Variants in GRID1 observed in about 807,000 individuals in gnomAD.
GRID1 encodes the protein glutamate ionotropic receptor delta type subunit 1.
Under a neutral mutation model 98.0 loss-of-function variants are expected in GRID1, and 28 were observed. That is an observed-to-expected ratio of 0.29 (90% CI 0.21 to 0.39). The LOEUF (loss-of-function observed/expected upper bound fraction) is 0.39, where lower values mean the gene tolerates loss of function less well. Among genes scored for constraint, GRID1 ranks in the 10% least tolerant of loss-of-function variants. The probability of loss-of-function intolerance (pLI) is 1.00; values close to 1 mark genes in which losing one functional copy is unlikely to be tolerated. For synonymous variants in GRID1, 553 were observed against 538.5 expected (o/e 1.03, Z -0.37); for missense variants, 1,111 against 1,340.5 (o/e 0.83, Z 2.67).
intron 3 of GRID1, among the ~76,000 whole-genome samples, chr10:86,162,782 T>C (rs1456678604): frequency 6.6e-6 from 1 of 152,142 alleles, no homozygotes; most frequent in Non-Finnish European, 1.5e-5. Flanking sequence ...GAAGTGGCCT[T>C]TGGGCATCTG....
intron 2 of GRID1, among the ~76,000 whole-genome samples, chr10:86,349,630 G>A (rs754619432): frequency 1.2e-4 from 19 of 152,248 alleles, no homozygotes; most frequent in Non-Finnish European, 2.6e-4. Context: ...TGACCAGGAG[G>A]GAAGGGCTAG....
intron 2 of GRID1, among the ~76,000 whole-genome samples, chr10:86,332,851 C>T (rs1045787031): frequency 2.6e-5 from 4 of 152,148 alleles, no homozygotes; most frequent in African/African-American, 9.7e-5. Flanking sequence ...TCTTCCCCTT[C>T]CCTCACTCCA....
At chr10:85,988,072 T>A (rs1842634698) in intron 4 of GRID1, among the ~76,000 whole-genome samples, 1 of 152,114 alleles carries the variant, frequency 6.6e-6, no homozygotes, top group African/African-American at 2.4e-5. Flanking sequence ...GCATGCCCCC[T>A]CCATCTCCAA....
intron 4 of GRID1, among the ~76,000 whole-genome samples, chr10:86,025,400 T>G (rs537157565): frequency 8.5e-4 from 129 of 152,298 alleles, no homozygotes; most frequent in African/African-American, 3.0e-3. Context: ...AAGAGTAACT[T>G]GACTCACTTG....
chr10:85,908,223 G>T (rs1015402690), intron 5 of GRID1, among the ~76,000 whole-genome samples: 25 of 152,146 alleles, frequency 1.6e-4, no homozygotes, highest in Admixed American at 3.3e-4. Flanking sequence ...CAGATGGAAA[G>T]GAAGAGGTAA....
At chr10:85,768,445 C>A (rs1842218964) in intron 8 of GRID1, among the ~76,000 whole-genome samples, 1 of 151,690 alleles carries the variant, frequency 6.6e-6, no homozygotes, top group Non-Finnish European at 1.5e-5. Context: ...AAAAGAAAAT[C>A]CAAAAGACAA....
At chr10:85,772,929 T>C (rs1361134661) in intron 8 of GRID1, among the ~76,000 whole-genome samples, 1 of 152,168 alleles carries the variant, frequency 6.6e-6, no homozygotes, top group Non-Finnish European at 1.5e-5. Flanking sequence ...TCTGAAACTA[T>C]TCCAATCAAT....
intron 4 of GRID1, among the ~76,000 whole-genome samples, chr10:85,956,815 T>G (rs1217422832): frequency 6.6e-6 from 1 of 152,158 alleles, no homozygotes; most frequent in Non-Finnish European, 1.5e-5. Context: ...AGAAATTGAT[T>G]CTAATTAAAG....
intron 4 of GRID1, among the ~76,000 whole-genome samples, chr10:86,077,727 T>C (rs1199404318): frequency 6.6e-6 from 1 of 152,216 alleles, no homozygotes; most frequent in Non-Finnish European, 1.5e-5. Context: ...TGCAGCCCTC[T>C]GAGAACCTAT....
At chr10:85,946,455 G>A (rs1385825744) in intron 4 of GRID1, among the ~76,000 whole-genome samples, 5 of 152,160 alleles carry the variant, frequency 3.3e-5, no homozygotes, top group African/African-American at 1.2e-4. Flanking sequence ...AGAAACAGAA[G>A]TTCTAATAAT....
chr10:85,630,815 C>T (rs1172470944), intron 13 of GRID1, among the ~76,000 whole-genome samples: 3 of 152,152 alleles, frequency 2.0e-5, no homozygotes, highest in Non-Finnish European at 2.9e-5. Context: ...TTTTAATAAC[C>T]TTTACAGGTG....
intron 4 of GRID1, among the ~76,000 whole-genome samples, chr10:85,977,803 C>A (rs1758380390): frequency 6.6e-6 from 1 of 152,190 alleles, no homozygotes; most frequent in Non-Finnish European, 1.5e-5. Flanking sequence ...CCCCGCCGAC[C>A]CAGTGAAAAT....
intron 2 of GRID1, among the ~76,000 whole-genome samples, chr10:86,292,849 A>T (rs1847535671): frequency 6.6e-6 from 1 of 151,098 alleles, no homozygotes; most frequent in South Asian, 2.1e-4. Context: ...TATATGTATG[A>T]GTGTGTGAGT....
At chr10:85,677,451 G>A (rs1841157597) in intron 12 of GRID1, among the ~76,000 whole-genome samples, 2 of 152,212 alleles carry the variant, frequency 1.3e-5, no homozygotes. Flanking sequence ...AGAAAGGAAA[G>A]AGAAACAGTA....
chr10:85,772,789 T>C (rs1182615285), intron 8 of GRID1, among the ~76,000 whole-genome samples: 1 of 152,220 alleles, frequency 6.6e-6, no homozygotes, highest in African/African-American at 2.4e-5. Flanking sequence ...GTTGAATCTC[T>C]GAATAGACCA....
chr10:85,718,537 A>G (rs1009427396), intron 12 of GRID1, among the ~76,000 whole-genome samples: 3 of 152,196 alleles, frequency 2.0e-5, no homozygotes, highest in Non-Finnish European at 4.4e-5. Context: ...TCAATTCTTC[A>G]CTTCTGTGCA....
chr10:85,929,209 A>T (rs761774324), intron 4 of GRID1, among the ~76,000 whole-genome samples: 17 of 152,290 alleles, frequency 1.1e-4, no homozygotes, highest in African/African-American at 2.6e-4. Context: ...GTGTGTGGAG[A>T]TGCCCATTGT....
rs530368799 is a variant in GRID1, at chr10:85,893,069, G to A, written c.780+23117C>T. On this transcript the variant is annotated intron_variant, in intron 5 of 15. Coordinates refer to ENST00000327946, the MANE Select transcript of GRID1 (RefSeq NM_017551.3). ...AAAAATATTCATCCCAGGACTGCAG[G>A]TTGGTTTTACACTTGAAAGTGAATC... Among the ~76,000 whole-genome samples the A allele has an allele frequency of 4.6e-5, 7 of 152,098 alleles. No individual in the cohort carries two copies. In the South Asian group the frequency reaches 1.5e-3, roughly 32 times the overall value.
chr10:86,248,372 G>A (rs1846765254), intron 2 of GRID1, among the ~76,000 whole-genome samples: 1 of 152,178 alleles, frequency 6.6e-6, no homozygotes, highest in African/African-American at 2.4e-5. Context: ...CAAATTGGGA[G>A]AGGGAGGGCG....
Sources: gnomAD v4.1 joint callset for allele counts (sites outside exome capture counted in the v4.1 genomes callset) on GRCh38, gnomAD v4.1.1 for gene constraint, MANE v1.5 for transcripts, NCBI Gene and HGNC (gene_info 2026-07-23, HGNC 2026-07-21) for gene names.